Variants in FGF13 observed in about 807,000 individuals in gnomAD.
The protein encoded by FGF13 is fibroblast growth factor homologous factor 2.
Under a neutral mutation model 19.5 loss-of-function variants are expected in FGF13, and 2 were observed. The observed-to-expected ratio is 0.10, with a 90% CI of 0.04 to 0.32. FGF13 has a LOEUF of 0.32. Ranked by LOEUF, FGF13 falls within the 10% of genes least tolerant of loss-of-function variation. The probability of loss-of-function intolerance (pLI) is 1.00; values close to 1 mark genes in which losing one functional copy is unlikely to be tolerated. For missense variants in FGF13, 113 were observed against 192.7 expected, an observed-to-expected ratio of 0.59 and a Z score of 2.45; for synonymous variants, 72 against 76.9, an observed-to-expected ratio of 0.94 and a Z score of 0.33.
intron 1 of FGF13, among the ~76,000 whole-genome samples, chrX:139,045,609 G>T (rs763733578): frequency 1.8e-5 from 2 of 112,454 alleles, no homozygotes; most frequent in South Asian, 7.4e-4. Context: ...GAAGAAGCCA[G>T]GGTAGCTCTT....
chrX:138,930,458 G>A (rs2091696205), intron 1 of FGF13, among the ~76,000 whole-genome samples: 1 of 111,708 alleles, frequency 9.0e-6, no homozygotes, highest in Non-Finnish European at 1.9e-5. Context: ...TTTCTGGATG[G>A]GCCAACTTTC....
chrX:138,980,933 A>T lies in FGF13; in HGVS notation c.-112-116283T>A, dbSNP rs1461414662. ...TCACATATTAGGAAACATACATTGA[A>T]ATCCTAATATGTACAAGGCCTTGGG... On this transcript the variant is annotated intron_variant, in intron 1 of 2. Transcript: ENST00000421460. Among the ~76,000 whole-genome samples the T allele has an allele frequency of 2.7e-5, 3 of 111,663 alleles. No individual in the cohort carries two copies. The East Asian group carries it at 8.5e-4, about 31-fold the overall frequency.
At position 138,888,525 on chromosome X, in the gene FGF13, T is replaced by C. The variant is rs183230791; in HGVS notation, c.-112-23875A>G. Among the ~76,000 whole-genome samples, 366 of 110,532 alleles carry C rather than the reference T, an allele frequency of 3.3e-3. 1 individual carries two copies. The highest frequency in any genetic ancestry group is 0.011 in the African/African-American group (348 of 30,287). On this transcript the variant is annotated intron_variant, in intron 1 of 2. Transcript: ENST00000421460. ...ACCAGGTCTTTATCTGTGATGGTGA[T>C]TCTCAGGCTCCCTAAGGTTGGCAGC...
chrX:138,993,886 C>T (rs1231567448), intron 1 of FGF13, among the ~76,000 whole-genome samples: 1 of 111,631 alleles, frequency 9.0e-6, no homozygotes, highest in Non-Finnish European at 1.9e-5. Flanking sequence ...ACCTAGTAGA[C>T]ACCAAGTAGT....
At chrX:138,909,237 C>T (rs2091574800) in intron 1 of FGF13, among the ~76,000 whole-genome samples, 1 of 111,926 alleles carries the variant, frequency 8.9e-6, no homozygotes, top group Non-Finnish European at 1.9e-5. Flanking sequence ...ACTACAAAAG[C>T]CTCTACCATT....
chrX:138,823,035 G>A (rs950663773), intron 3 of FGF13, among the ~76,000 whole-genome samples: 5 of 111,770 alleles, frequency 4.5e-5, no homozygotes, highest in Non-Finnish European at 9.4e-5. Flanking sequence ...AGGTGTTATG[G>A]AGAAGGGGGA....
chrX:138,975,570 G>A (rs2091936543), intron 1 of FGF13, among the ~76,000 whole-genome samples: 1 of 111,473 alleles, frequency 9.0e-6, no homozygotes, highest in Non-Finnish European at 1.9e-5. Context: ...CAGTATTACT[G>A]GGGGCTCTAA....
At chrX:139,128,416 C>G (rs977672013) in intron 1 of FGF13, among the ~76,000 whole-genome samples, 2 of 111,960 alleles carry the variant, frequency 1.8e-5, no homozygotes, top group Non-Finnish European at 3.8e-5. Context: ...GGATCTCATA[C>G]TCTGAATTTT....
intron 3 of FGF13, among the ~76,000 whole-genome samples, chrX:138,642,422 A>C (rs2124110792): frequency 8.9e-6 from 1 of 111,792 alleles, no homozygotes; most frequent in African/African-American, 3.2e-5. Context: ...ATGGTGAAAA[A>C]AATCTACCAG....
intron 1 of FGF13, among the ~76,000 whole-genome samples, chrX:139,168,200 T>C (rs922336095): frequency 8.9e-6 from 1 of 111,924 alleles, no homozygotes; most frequent in Non-Finnish European, 1.9e-5. Context: ...GGATGTTTCA[T>C]CAATACAACC....
At chrX:139,155,220 C>T (rs1212605297) in intron 1 of FGF13, among the ~76,000 whole-genome samples, 1 of 112,321 alleles carries the variant, frequency 8.9e-6, no homozygotes, top group African/African-American at 3.2e-5. Flanking sequence ...ATTAATGACA[C>T]CCCCATACCC....
chrX:139,193,667 C>T (rs73634013), intron 1 of FGF13, among the ~76,000 whole-genome samples: 5,630 of 110,233 alleles, frequency 0.051, 249 homozygotes, highest in African/African-American at 0.15. Flanking sequence ...AAGTAGGTCA[C>T]GGTAGATCAA....
At chrX:138,740,850 G>A (rs1388094650), upstream of FGF13, among the ~76,000 whole-genome samples, 1 of 112,116 alleles carries the variant, frequency 8.9e-6, no homozygotes, top group Non-Finnish European at 1.9e-5. Context: ...CTACATTTTC[G>A]TTTTGCACTA....
intron 1 of FGF13, among the ~76,000 whole-genome samples, chrX:138,920,029 T>A (rs1388572236): frequency 9.0e-6 from 1 of 111,496 alleles, no homozygotes; most frequent in African/African-American, 3.3e-5. Context: ...AAAATAAAAA[T>A]TTTTTAAAAA....
chrX:139,051,215 G>A (rs190570894), intron 1 of FGF13, among the ~76,000 whole-genome samples: 1 of 111,962 alleles, frequency 8.9e-6, no homozygotes, highest in Admixed American at 9.5e-5. Context: ...ATTCATCACT[G>A]GGCATGTCTA....
chrX:138,857,455 GAGAA>G (rs761625468), downstream of FGF13: 46 of 1,105,274 alleles, frequency 4.2e-5, no homozygotes, highest in South Asian at 5.1e-4. Flanking sequence ...CCAAAAGAAA[GAGAA>G]AGAAAGAAGA....
intron 1 of FGF13, among the ~76,000 whole-genome samples, chrX:139,056,881 A>G (rs2092321976): frequency 8.9e-6 from 1 of 112,234 alleles, no homozygotes. Context: ...CTAGAAACTT[A>G]CAACTTTTTT....
chrX:138,949,909 A>C (rs1299647143), intron 1 of FGF13, among the ~76,000 whole-genome samples: 1 of 111,914 alleles, frequency 8.9e-6, no homozygotes, highest in Non-Finnish European at 1.9e-5. Context: ...TTGATGCATA[A>C]GGCAAAAGGA....
chrX:139,118,448 TGAG>T (rs1303433293), intron 1 of FGF13, among the ~76,000 whole-genome samples: 2 of 111,386 alleles, frequency 1.8e-5, no homozygotes, highest in Non-Finnish European at 1.9e-5. Context: ...AATTAGGAAA[TGAG>T]GAGACTCCAC....
Sources: allele counts gnomAD v4.1 joint callset (sites outside exome capture counted in the v4.1 genomes callset), GRCh38; gene constraint gnomAD v4.1.1; transcripts MANE v1.5; gene names NCBI Gene and HGNC (gene_info 2026-07-23, HGNC 2026-07-21).